GABRB3: variants seen among roughly 807,000 people sequenced by gnomAD.
GABRB3 encodes the protein gamma-aminobutyric acid receptor subunit beta-3.
A neutral mutation model predicts 52.1 loss-of-function variants in GABRB3; 14 were observed. The observed-to-expected ratio is 0.27, with a 90% CI of 0.18 to 0.42. The LOEUF (loss-of-function observed/expected upper bound fraction) is 0.42. Ranked by LOEUF, GABRB3 falls within the 10% of genes least tolerant of loss-of-function variation. The pLI, the probability that GABRB3 is intolerant of heterozygous loss-of-function variation, is 1.00. For synonymous variants in GABRB3, 260 were observed against 232.3 expected (o/e 1.12, Z -1.08); for missense variants, 307 against 609.1 (o/e 0.50, Z 5.22).
At chr15:26,670,111 G>A (rs1887841471) in intron 3 of GABRB3, among the ~76,000 whole-genome samples, 2 of 152,308 alleles carry the variant, frequency 1.3e-5, no homozygotes, top group South Asian at 4.1e-4. Context: ...GGGAGGAGAC[G>A]CAAGAAGTCT....
At chr15:26,582,060 G>A (rs1454695986) in intron 5 of GABRB3, among the ~76,000 whole-genome samples, 2 of 152,188 alleles carry the variant, frequency 1.3e-5, no homozygotes, top group Non-Finnish European at 2.9e-5. Flanking sequence ...GGAGACATGT[G>A]TAGTCAGACC....
chr15:26,756,383 C>T (rs528741061), intron 3 of GABRB3, among the ~76,000 whole-genome samples: 14 of 147,746 alleles, frequency 9.5e-5, no homozygotes, highest in African/African-American at 3.5e-4. Flanking sequence ...CCCCAGGCAA[C>T]ATGGTGAAAC....
rs1474769240 is a variant in GABRB3 at position 26,718,214 on chromosome 15, A to AT, written c.240+54187dup. ...TAGCTTATTTCTTATTTATTTATTT[A>AT]TTTATTTTTTTGGGACGGAGTTTTG... is the stretch of plus-strand genomic sequence containing the variant. On this transcript the variant is annotated intron_variant, in intron 3 of 8. Transcript: ENST00000311550. 2.4e-4 allele frequency among the ~76,000 whole-genome samples: 36 copies of AT among 151,522 alleles called. 1 individual carries two copies. The highest frequency in any genetic ancestry group is 4.2e-4 in the South Asian group (2 of 4,794).
At chr15:26,653,310 T>C (rs1183907584) in intron 3 of GABRB3, among the ~76,000 whole-genome samples, 2 of 152,158 alleles carry the variant, frequency 1.3e-5, no homozygotes, top group African/African-American at 4.8e-5. Flanking sequence ...AACATCACTA[T>C]TGTAAAACCT....
At chr15:26,662,840 G>A (rs1887592688) in intron 3 of GABRB3, among the ~76,000 whole-genome samples, 1 of 152,180 alleles carries the variant, frequency 6.6e-6, no homozygotes, top group Non-Finnish European at 1.5e-5. Flanking sequence ...ACATCTTTTA[G>A]TGTTAGCATT....
At chr15:26,725,949 A>G (rs143513783) in intron 3 of GABRB3, among the ~76,000 whole-genome samples, 67 of 152,342 alleles carry the variant, frequency 4.4e-4, no homozygotes, top group African/African-American at 1.5e-3. Context: ...ACAGTGAGTA[A>G]TGCTCATGAG....
Position 26,773,061 on chromosome 15 carries a change from C to T in GABRB3, c.-99G>A. On this transcript the variant is annotated 5_prime_UTR_variant, in exon 1 of 9. Transcript: ENST00000311550. ...CTGCTGCCGCCGCCGCCGCCGCCGC[C>T]GCGCTGGCCCGGAGCGGAGGAGGGC... The T allele has an allele frequency of 1.6e-6, 1 of 613,378 alleles. No individual in the cohort carries two copies. Among genetic ancestry groups the T allele is most frequent in the Non-Finnish European group, 2.1e-6 (1 of 483,254 alleles). The allele number at this position is 613,378 out of a possible 1,614,324, so 38.0% of individuals were successfully genotyped here.
chr15:26,755,741 T>TA (rs954205703), intron 3 of GABRB3, among the ~76,000 whole-genome samples: 1 of 152,186 alleles, frequency 6.6e-6, no homozygotes, highest in African/African-American at 2.4e-5. Context: ...GTTACATGGA[T>TA]AAAAAACCTG....
chr15:26,750,817 G>A (rs1890484783), intron 3 of GABRB3, among the ~76,000 whole-genome samples: 2 of 152,148 alleles, frequency 1.3e-5, no homozygotes, highest in Admixed American at 6.5e-5. Flanking sequence ...TCAAGGCAAT[G>A]CTGTTATATT....
At chr15:26,637,835 G>C (rs2140567468) in intron 3 of GABRB3, among the ~76,000 whole-genome samples, 1 of 152,186 alleles carries the variant, frequency 6.6e-6, no homozygotes, top group Middle Eastern at 3.4e-3. Flanking sequence ...GTACCCCTTT[G>C]ATTGCACCAG....
intron 4 of GABRB3, among the ~76,000 whole-genome samples, chr15:26,606,346 C>A (rs1595476498): frequency 6.6e-6 from 1 of 152,008 alleles, no homozygotes; most frequent in East Asian, 1.9e-4. Context: ...GAATGCATAC[C>A]CAATATTCCA....
chr15:26,554,700 G>A (rs1183658299), intron 8 of GABRB3, among the ~76,000 whole-genome samples: 4 of 152,202 alleles, frequency 2.6e-5, no homozygotes, highest in African/African-American at 9.7e-5. Flanking sequence ...GCATATTTTG[G>A]AAGATGCAGA....
chr15:26,630,226 A>G (rs1000009059), intron 3 of GABRB3, among the ~76,000 whole-genome samples: 3 of 152,120 alleles, frequency 2.0e-5, no homozygotes, highest in Non-Finnish European at 4.4e-5. Context: ...CCCCTGCTCT[A>G]CCCAGTCCCT....
chr15:26,682,257 C>T (rs898989158), intron 3 of GABRB3, among the ~76,000 whole-genome samples: 2 of 152,180 alleles, frequency 1.3e-5, no homozygotes, highest in Non-Finnish European at 2.9e-5. Flanking sequence ...TGCATGGAAT[C>T]CTGGGATGAG....
intron 3 of GABRB3, among the ~76,000 whole-genome samples, chr15:26,752,871 C>T (rs1187110275): frequency 6.6e-6 from 1 of 152,126 alleles, no homozygotes; most frequent in African/African-American, 2.4e-5. Context: ...CTCTGTCTGC[C>T]CCACTGCACT....
intron 3 of GABRB3, among the ~76,000 whole-genome samples, chr15:26,732,725 G>A (rs868860649): frequency 5.9e-5 from 9 of 152,068 alleles, no homozygotes; most frequent in African/African-American, 2.2e-4. Flanking sequence ...GCGCTACCGT[G>A]GCCAGCTGTA....
At chr15:26,737,795 CTTT>C (rs988021027) in intron 3 of GABRB3, among the ~76,000 whole-genome samples, 2 of 152,084 alleles carry the variant, frequency 1.3e-5, no homozygotes, top group Admixed American at 6.5e-5. Context: ...TCATATCATA[CTTT>C]TTTACTTAAT....
intron 3 of GABRB3, among the ~76,000 whole-genome samples, chr15:26,693,709 T>C (rs1005922691): frequency 2.0e-5 from 3 of 152,046 alleles, no homozygotes; most frequent in East Asian, 1.9e-4. Flanking sequence ...GAGAGAGAGA[T>C]AGATACAGAG....
chr15:26,592,533 C>T (rs919786190), intron 4 of GABRB3, among the ~76,000 whole-genome samples: 19 of 151,978 alleles, frequency 1.3e-4, no homozygotes, highest in South Asian at 6.2e-4. Context: ...TCAAGAAGAA[C>T]GGGGAGGCAA....
Sources: gnomAD v4.1 joint callset for allele counts (sites outside exome capture counted in the v4.1 genomes callset) on GRCh38, gnomAD v4.1.1 for gene constraint, MANE v1.5 for transcripts, NCBI Gene and HGNC (gene_info 2026-07-23, HGNC 2026-07-21) for gene names.